Variants in NEURL1B observed in about 807,000 individuals in gnomAD.
The protein encoded by NEURL1B is E3 ubiquitin-protein ligase NEURL1B.
In NEURL1B, 13 loss-of-function variants were observed where a neutral mutation model predicts 37.4. The ratio of observed to expected loss-of-function variants is 0.35; its 90% CI spans 0.23 to 0.55. NEURL1B has a LOEUF of 0.55. Among genes scored for constraint, NEURL1B ranks in the 20% least tolerant of loss-of-function variants. The pLI, the probability that NEURL1B is intolerant of heterozygous loss-of-function variation, is 0.89. For synonymous variants in NEURL1B, 432 were observed against 426.6 expected (o/e 1.01, Z -0.16); for missense variants, 790 against 879.2 (o/e 0.90, Z 1.28).
chr5:172,683,927 G>A lies in NEURL1B; in HGVS notation c.1086G>A (p.Leu362=). The A allele has an allele frequency of 1.4e-6, 2 of 1,406,908 alleles. No homozygotes were observed. The highest frequency in any genetic ancestry group is 1.4e-5 in the South Asian group (1 of 72,334). 87.2% of individuals were successfully genotyped at this position (1,406,908 alleles called of 1,614,324 possible). ...PNELPADPDA[L]LDRKEYWVVA... ...AGCTGCCCGCCGACCCAGACGCGCT[G>A]CTCGACCGCAAAGAGTACTGGGTGG... Residue 362 remains leucine (L), a synonymous_variant, in exon 3 of 5, where the codon CTG becomes CTA. Transcript: ENST00000369800. This position sits in a 1 kb window ranked among gnomAD's most constrained non-coding sequence, Gnocchi z 5.6.
intron 1 of NEURL1B, among the ~76,000 whole-genome samples, chr5:172,658,808 G>A (rs981467717): frequency 1.8e-4 from 27 of 152,076 alleles, no homozygotes; most frequent in Non-Finnish European, 7.4e-5. Context: ...ATGGGTGGGG[G>A]GCCATTGTCC....
Position 172,678,107 on chromosome 5 carries a change from C to A in NEURL1B, c.578-5312C>A, listed in dbSNP as rs116779200. On this transcript the variant is annotated intron_variant, in intron 2 of 4. Transcript: ENST00000369800. ...TGGGCCTTCCCGAGCTCCCGCCGTT[C>A]CTCCTGCTTTCCTGGCCACCCCTCG... 3.4e-3 allele frequency among the ~76,000 whole-genome samples: 517 copies of A among 152,232 alleles called. 1 individual carries two copies. Among genetic ancestry groups the A allele is most frequent in the African/African-American group, 0.012 (484 of 41,514 alleles).
intron 2 of NEURL1B, among the ~76,000 whole-genome samples, chr5:172,671,572 C>A (rs1758130364): frequency 6.6e-6 from 1 of 152,262 alleles, no homozygotes; most frequent in South Asian, 2.1e-4. Flanking sequence ...CCATTGGTAT[C>A]TGGCTTCTTT....
rs1227036926 is a variant in NEURL1B, at chr5:172,686,033, T to C, written c.1298-138T>C. On this transcript the variant is annotated intron_variant, in intron 3 of 4. Transcript: ENST00000369800. The surrounding 1 kb of genome is among the most constrained non-coding windows in gnomAD (Gnocchi z 7.9). ...CACCACACTGGGATGCACTCTTCAC[T>C]CCTCAGCAGAACCCTGGGAGATACC... The C allele has an allele frequency of 1.0e-6, 1 of 994,794 alleles. No individual in the cohort carries two copies. The highest frequency in any genetic ancestry group is 1.4e-6 in the Non-Finnish European group (1 of 691,188). 61.6% of individuals were successfully genotyped at this position (994,794 alleles called of 1,614,324 possible).
intron 2 of NEURL1B, among the ~76,000 whole-genome samples, chr5:172,673,729 G>A (rs554837634): frequency 6.7e-6 from 1 of 149,966 alleles, no homozygotes; most frequent in African/African-American, 2.5e-5. Flanking sequence ...CTCCCGAGTA[G>A]CCAGGACCAC....
At chr5:172,678,579 T>C (rs1340947520) in intron 2 of NEURL1B, among the ~76,000 whole-genome samples, 1 of 149,810 alleles carries the variant, frequency 6.7e-6, no homozygotes, top group Non-Finnish European at 1.5e-5. Flanking sequence ...TGGTTGGCCA[T>C]TGGCAGTAAG....
At chr5:172,656,562 C>T in intron 1 of NEURL1B, 1 of 1,611,062 alleles carries the variant, frequency 6.2e-7, no homozygotes, top group Non-Finnish European at 8.5e-7. Flanking sequence ...GGCCAAGAGC[C>T]CCTTCCCCGC....
chr5:172,689,683 C>T lies in NEURL1B; in HGVS notation c.*2758C>T, dbSNP rs1042957439. ...ATTCAAACCCGGGAGTGTCTGCTGC[C>T]ACATCCCACACTCCCACTGCCTGGC... On this transcript the variant is annotated 3_prime_UTR_variant, in exon 5 of 5. Coordinates refer to ENST00000369800, the MANE Select transcript of NEURL1B (RefSeq NM_001142651.3). The T allele has an allele frequency of 6.6e-6, 1 of 152,202 alleles. No homozygotes were observed. The highest frequency in any genetic ancestry group is 2.4e-5 in the African/African-American group (1 of 41,452). 9.4% of individuals were successfully genotyped at this position (152,202 alleles called of 1,614,324 possible). A position where few individuals can be genotyped will look rare whatever the true frequency, so the allele number is the denominator to read the frequency against.
rs1331640718 is a variant in NEURL1B, at chr5:172,688,454, G to A, written c.*1529G>A. 2.0e-5 allele frequency: 3 copies of A among 152,498 alleles called. No homozygotes were observed. The highest frequency in any genetic ancestry group is 4.4e-5 in the Non-Finnish European group (3 of 68,180). 9.4% of individuals were successfully genotyped at this position (152,498 alleles called of 1,614,324 possible). On this transcript the variant is annotated 3_prime_UTR_variant, in exon 5 of 5. Coordinates refer to ENST00000369800, the MANE Select transcript of NEURL1B (RefSeq NM_001142651.3). This position sits in a 1 kb window ranked among gnomAD's most constrained non-coding sequence, Gnocchi z 4.3. ...GGGAAGGAGGGAGAGGAAGGCAGGGGAGTTGATGCATTCATATAACAAACA... is the reference window on the plus strand; with the variant it reads ...GGGAAGGAGGGAGAGGAAGGCAGGGAAGTTGATGCATTCATATAACAAACA...
At chr5:172,662,816 A>G (rs1757926767) in intron 1 of NEURL1B, among the ~76,000 whole-genome samples, 1 of 147,088 alleles carries the variant, frequency 6.8e-6, no homozygotes, top group South Asian at 2.1e-4. Flanking sequence ...ACAGACACTC[A>G]TCACCCACCC....
Position 172,687,037 on chromosome 5 carries a change from T to C in NEURL1B, c.*112T>C, listed in dbSNP as rs1758517137. On this transcript the variant is annotated 3_prime_UTR_variant, in exon 5 of 5. Transcript: ENST00000369800. ...CCACGGGCAGCGGCCATCTCTCCAG[T>C]GGTGGGCAAGGTGTGACAGTCGTGG... 5.5e-6 allele frequency: 7 copies of C among 1,277,094 alleles called. No individual in the cohort carries two copies. Among genetic ancestry groups the C allele is most frequent in the Non-Finnish European group, 7.5e-6 (7 of 939,156 alleles). 79.1% of individuals were successfully genotyped at this position (1,277,094 alleles called of 1,614,324 possible). A position where few individuals can be genotyped will look rare whatever the true frequency, so the allele number is the denominator to read the frequency against.
At position 172,683,842 on chromosome 5, in the gene NEURL1B, C is replaced by T. The variant is rs1214161837; in HGVS notation, c.1001C>T (p.Ala334Val). 1.5e-6 allele frequency: 2 copies of T among 1,327,702 alleles called. No homozygotes were observed. Among genetic ancestry groups the T allele is most frequent in the South Asian group, 1.7e-5 (1 of 58,402 alleles). 82.2% of individuals were successfully genotyped at this position (1,327,702 alleles called of 1,614,324 possible). The change falls in exon 3 of 5, where the codon GCG becomes GTG. Residue 334 changes from alanine (A) to valine (V), a missense_variant. Ala to Val is a moderately conservative substitution (Grantham distance 64). This residue lies in a region of NEURL1B where 460 missense variants were observed against 407.4 expected (regional missense o/e 1.13). Transcript: ENST00000369800. This position sits in a 1 kb window ranked among gnomAD's most constrained non-coding sequence, Gnocchi z 5.6. Reference sequence around the variant, plus strand: ...GAGGTGGGCCGTCCGGGGCTGGCGGCGCCCGGCGCGCTGGCCTTCGGCATC... The same window carrying T: ...GAGGTGGGCCGTCCGGGGCTGGCGGTGCCCGGCGCGCTGGCCTTCGGCATC... ...FVEVGRPGLA[A>V]PGALAFGITS...
In NEURL1B at chr5:172,657,963, A is replaced by T. The variant is rs1757825588; in HGVS notation, c.32-11822A>T. ...TCTTTCTTATAAGTGCATAGAAGAA[A>T]ACGCTGACATATGCTGCCTTCTCTG... On this transcript the variant is annotated intron_variant, in intron 1 of 4. Transcript: ENST00000369800. The surrounding 1 kb of genome is among the most constrained non-coding windows in gnomAD (Gnocchi z 4.0). Among the ~76,000 whole-genome samples, 1 of 152,240 alleles carries T rather than the reference A, an allele frequency of 6.6e-6. No individual in the cohort carries two copies. The highest frequency in any genetic ancestry group is 1.5e-5 in the Non-Finnish European group (1 of 68,046).
Position 172,688,633 on chromosome 5 carries a change from A to G in NEURL1B, c.*1708A>G, listed in dbSNP as rs955035353. On this transcript the variant is annotated 3_prime_UTR_variant, in exon 5 of 5. Coordinates refer to ENST00000369800, the MANE Select transcript of NEURL1B (RefSeq NM_001142651.3). This position sits in a 1 kb window ranked among gnomAD's most constrained non-coding sequence, Gnocchi z 4.3. ...ATCACAGTTGTCTGACCTGATTCCA[A>G]CTTAAGGTCCCCACTCTCTTGCCCC... 3.9e-5 allele frequency: 6 copies of G among 152,170 alleles called. No homozygotes were observed. The highest frequency in any genetic ancestry group is 1.4e-4 in the African/African-American group (6 of 41,434). The allele number at this position is 152,170 out of a possible 1,614,324, so 9.4% of individuals were successfully genotyped here. A position where few individuals can be genotyped will look rare whatever the true frequency, so the allele number is the denominator to read the frequency against.
chr5:172,666,682 T>G (rs539774552), intron 1 of NEURL1B, among the ~76,000 whole-genome samples: 2 of 152,280 alleles, frequency 1.3e-5, no homozygotes, highest in South Asian at 4.1e-4. Flanking sequence ...GGTGCCCCCA[T>G]GACTAACTGT....
chr5:172,648,513 T>C (rs1278743586), intron 1 of NEURL1B, among the ~76,000 whole-genome samples: 4 of 152,170 alleles, frequency 2.6e-5, no homozygotes, highest in Non-Finnish European at 4.4e-5. Flanking sequence ...GTGCCCCAAC[T>C]CTTGGGAGAA....
Position 172,675,246 on chromosome 5 carries a change from T to C in NEURL1B, c.577+4916T>C, listed in dbSNP as rs1286298321. On this transcript the variant is annotated intron_variant, in intron 2 of 4. Transcript: ENST00000369800. The surrounding 1 kb of genome is among the most constrained non-coding windows in gnomAD (Gnocchi z 4.7). ...GTGGATGGTATTGTGCTAAGGACCT[T>C]ATTCTGTTTTTCTTTTTCCACTCAC... Among the ~76,000 whole-genome samples the C allele has an allele frequency of 6.6e-6, 1 of 152,190 alleles. No individual in the cohort carries two copies. The highest frequency in any genetic ancestry group is 2.4e-5 in the African/African-American group (1 of 41,452).
chr5:172,642,172 T>C (rs1757476246), intron 1 of NEURL1B, among the ~76,000 whole-genome samples: 2 of 152,146 alleles, frequency 1.3e-5, no homozygotes, highest in Non-Finnish European at 2.9e-5. Context: ...CGCGTGCCCG[T>C]GGAGGTTCAG....
intron 1 of NEURL1B, among the ~76,000 whole-genome samples, chr5:172,655,847 C>T (rs1009761146): frequency 6.6e-6 from 1 of 151,888 alleles, no homozygotes; most frequent in Non-Finnish European, 1.5e-5. Flanking sequence ...CTCACAAGAA[C>T]CAGAGACCGC....
Sources: allele counts gnomAD v4.1 joint callset (sites outside exome capture counted in the v4.1 genomes callset), GRCh38; gene constraint gnomAD v4.1.1; regional missense constraint gnomAD v4.1.1; non-coding constraint Gnocchi (gnomAD v3.1); transcripts MANE v1.5; gene names NCBI Gene and HGNC (gene_info 2026-07-23, HGNC 2026-07-21).